Variants in GABBR2 observed in about 807,000 individuals in gnomAD.
The protein encoded by GABBR2 is G-protein coupled receptor 51.
Under a neutral mutation model 105.6 loss-of-function variants are expected in GABBR2, and 23 were observed. The observed-to-expected ratio is 0.22, with a 90% CI of 0.16 to 0.31. The LOEUF (loss-of-function observed/expected upper bound fraction) is 0.31. Among genes scored for constraint, GABBR2 ranks in the 10% least tolerant of loss-of-function variants. The pLI, the probability that GABBR2 is intolerant of heterozygous loss-of-function variation, is 1.00. For synonymous variants in GABBR2, 478 were observed against 499.7 expected, an observed-to-expected ratio of 0.96 and a Z score of 0.58; for missense variants, 734 against 1,245.5, an observed-to-expected ratio of 0.59 and a Z score of 6.18.
At chr9:98,331,378 G>T (rs1456693004) in intron 13 of GABBR2, among the ~76,000 whole-genome samples, 1 of 149,220 alleles carries the variant, frequency 6.7e-6, no homozygotes, top group Non-Finnish European at 1.5e-5. Flanking sequence ...TTGAAGACTT[G>T]GGGGAAAAGT....
intron 1 of GABBR2, among the ~76,000 whole-genome samples, chr9:98,610,124 G>T (rs1381413848): frequency 2.0e-5 from 3 of 152,156 alleles, no homozygotes; most frequent in Admixed American, 2.0e-4. Context: ...CATCCGCCCC[G>T]CCTAGGAGGG....
intron 3 of GABBR2, among the ~76,000 whole-genome samples, chr9:98,506,438 T>C (rs1050143458): frequency 1.3e-5 from 2 of 151,988 alleles, no homozygotes; most frequent in African/African-American, 4.8e-5. Flanking sequence ...CACTCTTAGA[T>C]GGAGGAGGTT....
At chr9:98,314,458 G>A (rs1406621701) in intron 13 of GABBR2, among the ~76,000 whole-genome samples, 3 of 152,150 alleles carry the variant, frequency 2.0e-5, no homozygotes, top group African/African-American at 7.2e-5. Context: ...ATGAACAGCA[G>A]TAATTTATGA....
chr9:98,433,182 C>T (rs547014172), intron 7 of GABBR2, among the ~76,000 whole-genome samples: 1 of 152,294 alleles, frequency 6.6e-6, no homozygotes, highest in East Asian at 1.9e-4. Context: ...CATTGCAGAG[C>T]TGCATATGCC....
chr9:98,469,254 C>T (rs1295349002), intron 6 of GABBR2, among the ~76,000 whole-genome samples: 1 of 152,174 alleles, frequency 6.6e-6, no homozygotes, highest in Non-Finnish European at 1.5e-5. Context: ...TAAGAACCTT[C>T]TTCACAAGGC....
At chr9:98,316,657 G>A (rs1056219582) in intron 13 of GABBR2, among the ~76,000 whole-genome samples, 1 of 152,106 alleles carries the variant, frequency 6.6e-6, no homozygotes, top group Non-Finnish European at 1.5e-5. Flanking sequence ...TCCCATGAGA[G>A]GCAGCCTCAG....
At chr9:98,515,198 A>G (rs1307868016) in intron 3 of GABBR2, among the ~76,000 whole-genome samples, 1 of 152,198 alleles carries the variant, frequency 6.6e-6, no homozygotes, top group African/African-American at 2.4e-5. Context: ...AGACTGCTGC[A>G]TCTCCAAGGA....
rs2131445203 is a variant in GABBR2 at position 98,362,703 on chromosome 9, T to C, written c.1893+12A>G. ...TCTGCAGGCTTCCCTCCTGCCGGCA[T>C]GGAGGGCTTACCTCCATGCTGTACT... On this transcript the variant is annotated intron_variant, in intron 13 of 18. Coordinates refer to ENST00000259455, the MANE Select transcript of GABBR2 (RefSeq NM_005458.8). 1 of 1,524,036 alleles carries C rather than the reference T, an allele frequency of 6.6e-7. No individual in the cohort carries two copies. Among genetic ancestry groups the C allele is most frequent in the Non-Finnish European group, 8.8e-7 (1 of 1,138,244 alleles). 94.4% of individuals were successfully genotyped at this position (1,524,036 alleles called of 1,614,324 possible).
At chr9:98,476,259 G>T (rs1826791034) in intron 5 of GABBR2, among the ~76,000 whole-genome samples, 1 of 152,240 alleles carries the variant, frequency 6.6e-6, no homozygotes, top group South Asian at 2.1e-4. Flanking sequence ...CTACTGTCCT[G>T]TTGTAGCTGT....
At chr9:98,384,823 G>GAT (rs764393786) in intron 11 of GABBR2, among the ~76,000 whole-genome samples, 28 of 151,878 alleles carry the variant, frequency 1.8e-4, no homozygotes, top group Admixed American at 7.9e-4. Context: ...ATAAACCATA[G>GAT]ATATATATAT....
At chr9:98,323,610 C>T (rs554798986) in intron 13 of GABBR2, among the ~76,000 whole-genome samples, 7 of 152,308 alleles carry the variant, frequency 4.6e-5, no homozygotes, top group African/African-American at 1.7e-4. Flanking sequence ...AGGGCCCTGC[C>T]CAAGCTGTCC....
At position 98,328,470 on chromosome 9, in the gene GABBR2, A is replaced by G. The variant is rs80166509; in HGVS notation, c.1894-17265T>C. Among the ~76,000 whole-genome samples the G allele has an allele frequency of 2.5e-4, 38 of 152,322 alleles. No homozygotes were observed. In the East Asian group the frequency reaches 6.8e-3, roughly 27 times the overall value. On this transcript the variant is annotated intron_variant, in intron 13 of 18. Coordinates refer to ENST00000259455, the MANE Select transcript of GABBR2 (RefSeq NM_005458.8). ...TTAGAAATGGGAACTGGGCCCGCATATGCCAATGAGCAAGGCAAAATGGGT... is the reference window on the plus strand; with the variant it reads ...TTAGAAATGGGAACTGGGCCCGCATGTGCCAATGAGCAAGGCAAAATGGGT...
At chr9:98,565,151 A>G (rs1828734376) in intron 2 of GABBR2, among the ~76,000 whole-genome samples, 1 of 152,182 alleles carries the variant, frequency 6.6e-6, no homozygotes, top group Admixed American at 6.5e-5. Flanking sequence ...CACAGGCCAC[A>G]TCAGCTCTCT....
chr9:98,695,119 T>C (rs902780401), intron 1 of GABBR2, among the ~76,000 whole-genome samples: 16 of 152,226 alleles, frequency 1.1e-4, no homozygotes, highest in African/African-American at 3.6e-4. Flanking sequence ...TATCCAAAAT[T>C]GTTCTGTTTT....
At chr9:98,465,720 C>A (rs565586692) in intron 6 of GABBR2, among the ~76,000 whole-genome samples, 1 of 152,200 alleles carries the variant, frequency 6.6e-6, no homozygotes, top group African/African-American at 2.4e-5. Context: ...TTCACTTCTG[C>A]GTTTGCCTCA....
Position 98,473,168 on chromosome 9 carries a change from T to C in GABBR2, c.977A>G (p.Gln326Arg). The change falls in exon 6 of 19, where the codon CAG becomes CGG. Residue 326 changes from glutamine (Q) to arginine (R), a missense_variant. Gln to Arg is a conservative substitution (Grantham distance 43). Transcript: ENST00000259455. Reference protein sequence around the residue: ...GVDFEPLSSKQIKTISGKTPQ... With the variant: ...GVDFEPLSSKRIKTISGKTPQ... ...GACCTTTCCTGAGATGGTCTTGATC[T>C]GCTTGGAGCTCAGGGGCTCGAAATC... 1 of 1,613,854 alleles carries C rather than the reference T, an allele frequency of 6.2e-7. No individual in the cohort carries two copies. The highest frequency in any genetic ancestry group is 2.2e-5 in the East Asian group (1 of 44,864).
intron 13 of GABBR2, among the ~76,000 whole-genome samples, chr9:98,356,967 C>T (rs1831495545): frequency 6.6e-6 from 1 of 152,220 alleles, no homozygotes; most frequent in Non-Finnish European, 1.5e-5. Context: ...AGGCTACATA[C>T]TCTGTGATTC....
In GABBR2 at chr9:98,364,845, C is replaced by T. The variant is rs908926954; in HGVS notation, c.1771-2008G>A. Among the ~76,000 whole-genome samples, 6 of 152,274 alleles carry T rather than the reference C, an allele frequency of 3.9e-5. 1 individual carries two copies. In the Middle Eastern group the frequency reaches 0.014, roughly 345 times the overall value. ...TGAACTCCTGACCTCAAGTGATCCA[C>T]CTGCCTCGGCCTCCCAAAGTGCTGT... On this transcript the variant is annotated intron_variant, in intron 12 of 18. Coordinates refer to ENST00000259455, the MANE Select transcript of GABBR2 (RefSeq NM_005458.8).
At chr9:98,615,725 A>G (rs1366378381) in intron 1 of GABBR2, among the ~76,000 whole-genome samples, 1 of 152,186 alleles carries the variant, frequency 6.6e-6, no homozygotes, top group African/African-American at 2.4e-5. Context: ...CCTTTCTTCC[A>G]GGCCACTCAG....
Sources: gnomAD v4.1 joint callset for allele counts (sites outside exome capture counted in the v4.1 genomes callset) on GRCh38, gnomAD v4.1.1 for gene constraint, MANE v1.5 for transcripts, NCBI Gene and HGNC (gene_info 2026-07-23, HGNC 2026-07-21) for gene names.